Variants in SELENOK observed in about 807,000 individuals in gnomAD.
SELENOK encodes the protein selenoprotein K.
A neutral mutation model predicts 17.3 loss-of-function variants in SELENOK; 11 were observed. The observed-to-expected ratio is 0.63, with a 90% CI of 0.40 to 1.05. The LOEUF (loss-of-function observed/expected upper bound fraction) is 1.05, where lower values mean the gene tolerates loss of function less well. SELENOK is among the 50% of genes least tolerant of loss of function. The probability of loss-of-function intolerance (pLI) is 0.00; values close to 1 mark genes in which losing one functional copy is unlikely to be tolerated. For synonymous variants in SELENOK, 45 were observed against 35.4 expected (o/e 1.27, Z -0.97); for missense variants, 125 against 113.9 (o/e 1.10, Z -0.44).
At chr3:53,885,695 T>A in intron 4 of SELENOK, 131 bp downstream of exon 4, 1 of 1,225,036 alleles carries the variant, frequency 8.2e-7, no homozygotes, top group Non-Finnish European at 1.2e-6. Context: ...TTTCAAGGGT[T>A]AAGATAACAA....
At chr3:53,887,666 G>A (rs36102758) in intron 2 of SELENOK, among the ~76,000 whole-genome samples, 5,533 of 152,152 alleles carry the variant, frequency 0.036, 140 homozygotes, top group South Asian at 0.07. Flanking sequence ...CTTTATCTGG[G>A]ATAACTTCCT....
Position 53,891,825 on chromosome 3 carries a change from C to A in SELENOK, c.-37G>T, listed in dbSNP as rs747627235. On this transcript the variant is annotated 5_prime_UTR_variant, in exon 1 of 5. It adds an upstream start codon to the 5' untranslated region. Transcript: ENST00000495461. ...TCCCCGCTTCGGAGCCACCGGGCGC[C>A]TGGCCCCTGTCGGTTTCTGTATCTC... is the stretch of plus-strand genomic sequence containing the variant. 2 of 1,613,498 alleles carry A rather than the reference C, an allele frequency of 1.2e-6. No individual in the cohort carries two copies. Among genetic ancestry groups the A allele is most frequent in the Non-Finnish European group, 1.7e-6 (2 of 1,179,460 alleles).
At position 53,889,718 on chromosome 3, in the gene SELENOK, T is replaced by C. The variant is rs11130383; in HGVS notation, c.20-1235A>G. Reference sequence around the variant, plus strand: ...AAAGTCTCTTGCCTGTATAAAAAGATTGCGTATTCATACTCTTACAAGTCT... The same window carrying C: ...AAAGTCTCTTGCCTGTATAAAAAGACTGCGTATTCATACTCTTACAAGTCT... On this transcript the variant is annotated intron_variant, in intron 1 of 4. Transcript: ENST00000495461. Among the ~76,000 whole-genome samples, 3 of 152,254 alleles carry C rather than the reference T, an allele frequency of 2.0e-5. No homozygotes were observed. In the South Asian group the frequency reaches 6.2e-4, roughly 31 times the overall value.
In SELENOK at chr3:53,885,456, A is replaced by T; in HGVS notation, c.*102T>A. 1 of 1,127,442 alleles carries T rather than the reference A, an allele frequency of 8.9e-7. No homozygotes were observed. The highest frequency in any genetic ancestry group is 1.4e-5 in the South Asian group (1 of 72,972). 69.8% of individuals were successfully genotyped at this position (1,127,442 alleles called of 1,614,324 possible). On this transcript the variant is annotated 3_prime_UTR_variant, in exon 5 of 5. Coordinates refer to ENST00000495461, the MANE Select transcript of SELENOK (RefSeq NM_021237.5). Reference sequence around the variant, plus strand: ...CACAGAGCAGTCCTTGTTTAGACATACACATTCATCTACTGCTCATCATGG... The same window carrying T: ...CACAGAGCAGTCCTTGTTTAGACATTCACATTCATCTACTGCTCATCATGG...
intron 1 of SELENOK, among the ~76,000 whole-genome samples, chr3:53,891,256 C>T (rs1201572626): frequency 6.6e-6 from 1 of 152,174 alleles, no homozygotes; most frequent in Non-Finnish European, 1.5e-5. Context: ...CGTCAGCCTA[C>T]CTGTGATCGA....
Position 53,885,368 on chromosome 3 carries a change from A to C in SELENOK, c.*190T>G. On this transcript the variant is annotated 3_prime_UTR_variant, in exon 5 of 5. Transcript: ENST00000495461. ...CAAACATCTGCATTTATGGAACTGC[A>C]TGTCAGTCAGGCCAGTTCCCTGCAG... 3.8e-6 allele frequency: 2 copies of C among 528,992 alleles called. No individual in the cohort carries two copies. Among genetic ancestry groups the C allele is most frequent in the South Asian group, 6.0e-5 (2 of 33,364 alleles). The allele number at this position is 528,992 out of a possible 1,614,324, so 32.8% of individuals were successfully genotyped here.
chr3:53,886,823 C>T (rs370997717), intron 3 of SELENOK, 28 bp downstream of exon 3: 13 of 1,374,412 alleles, frequency 9.5e-6, no homozygotes, highest in African/African-American at 2.9e-5. Context: ...GACATAAAAA[C>T]AACTATTATC....
rs1344778848 is a variant in SELENOK, at chr3:53,886,898, T to C, written c.147A>G (p.Arg49=). The C allele has an allele frequency of 6.4e-7, 1 of 1,572,940 alleles. No individual in the cohort carries two copies. The highest frequency in any genetic ancestry group is 8.6e-7 in the Non-Finnish European group (1 of 1,157,306). The change falls in exon 3 of 5, where the codon AGA becomes AGG. Residue 49 remains arginine, a synonymous_variant. Transcript: ENST00000495461. ...KTLLQQDVKK[R]RSYGNSSDSR... ...AATCAGATGAGTTTCCATAGCTTCT[T>C]CTTTTTTTCACATCTTGCTGAAGCA...
intron 1 of SELENOK, 68 bp downstream of exon 1, chr3:53,891,702 C>A: frequency 2.5e-6 from 4 of 1,593,506 alleles, no homozygotes; most frequent in Non-Finnish European, 3.4e-6. Flanking sequence ...CAGCGAGCGA[C>A]GATGAAAGGA....
At position 53,884,676 on chromosome 3, in the gene SELENOK, C is replaced by G. The variant is rs747790977; in HGVS notation, c.*882G>C. The stretch of plus-strand genomic sequence containing the variant: ...TTTATTTATTTTTTTGAGACAGGGT[C>G]TCACTCTGTTGCCTAGGCAGGAGTG... On this transcript the variant is annotated 3_prime_UTR_variant, in exon 5 of 5. Transcript: ENST00000495461. The G allele has an allele frequency of 2.0e-4, 30 of 152,318 alleles. No individual in the cohort carries two copies. Among genetic ancestry groups the G allele is most frequent in the African/African-American group, 6.5e-4 (27 of 41,462 alleles). 9.4% of individuals were successfully genotyped at this position (152,318 alleles called of 1,614,324 possible).
intron 1 of SELENOK, among the ~76,000 whole-genome samples, chr3:53,890,274 A>G (rs933085023): frequency 5.9e-5 from 9 of 152,100 alleles, no homozygotes; most frequent in African/African-American, 1.4e-4. Context: ...TAGCCATCAC[A>G]TAAGATTTTT....
At chr3:53,886,346 C>T (rs181645918) in intron 3 of SELENOK, among the ~76,000 whole-genome samples, 314 of 152,296 alleles carry the variant, frequency 2.1e-3, no homozygotes, top group Non-Finnish European at 2.0e-3. Context: ...AAACAATTCT[C>T]CTGCCTCAGC....
Position 53,888,146 on chromosome 3 carries a change from TA to T in SELENOK, c.110+246del, listed in dbSNP as rs1428357493. The T allele has an allele frequency of 6.8e-5, 23 of 336,412 alleles. 1 individual carries two copies. Among genetic ancestry groups the T allele is most frequent in the African/African-American group, 4.9e-4 (23 of 46,510 alleles). The allele number at this position is 336,412 out of a possible 1,614,324, so 20.8% of individuals were successfully genotyped here. A position where few individuals can be genotyped will look rare whatever the true frequency, so the allele number is the denominator to read the frequency against. ...TGACGGACCCAGCCATAGGTTGAAG[TA>T]GTTACCACCAAGGTTAAGATGTGGT... On this transcript the variant is annotated intron_variant, in intron 2 of 4. Coordinates refer to ENST00000495461, the MANE Select transcript of SELENOK (RefSeq NM_021237.5).
At chr3:53,891,065 G>A (rs1175836748) in intron 1 of SELENOK, 1 of 152,100 alleles carries the variant, frequency 6.6e-6, no homozygotes, top group Admixed American at 6.5e-5. Flanking sequence ...TTGCTCCTAG[G>A]GGAAGATAGT....
At chr3:53,891,693 A>C in intron 1 of SELENOK, 77 bp downstream of exon 1, 1 of 1,578,756 alleles carries the variant, frequency 6.3e-7, no homozygotes. Context: ...CTCAAGACTC[A>C]GCGAGCGACG....
chr3:53,885,839 C>T lies in SELENOK; in HGVS notation c.268G>A (p.Gly90Ser). ...LRGPSPPPMAGGUGR is the reference protein window; with the variant it reads ...LRGPSPPPMASGUGR ...ATCTGAAGTTACCTTCCTCATCCAC[C>T]AGCCATTGGAGGGGGACTAGGGCCA... Residue 90 changes from glycine to serine, a missense_variant, in exon 4 of 5, where the codon GGT becomes AGT. Coordinates refer to ENST00000495461, the MANE Select transcript of SELENOK (RefSeq NM_021237.5). The T allele has an allele frequency of 6.3e-7, 1 of 1,590,186 alleles. No individual in the cohort carries two copies. The highest frequency in any genetic ancestry group is 8.6e-7 in the Non-Finnish European group (1 of 1,167,104).
intron 1 of SELENOK, chr3:53,890,841 G>A (rs2107092934): frequency 6.6e-6 from 1 of 152,310 alleles, no homozygotes; most frequent in Non-Finnish European, 1.5e-5. Flanking sequence ...CTCGTCTCTG[G>A]AGAAAAACAG....
intron 1 of SELENOK, 148 bp downstream of exon 1, chr3:53,891,622 G>A (rs1254639611): frequency 1.0e-6 from 1 of 989,958 alleles, no homozygotes; most frequent in Non-Finnish European, 1.5e-6. Context: ...CGCAAGCCGA[G>A]GCGACTTCGG....
intron 2 of SELENOK, 167 bp downstream of exon 2, chr3:53,888,226 A>AGC: frequency 3.5e-6 from 2 of 564,026 alleles, no homozygotes; most frequent in Non-Finnish European, 6.3e-6. Context: ...ATCTGGTGGT[A>AGC]GCAACTTTAT....
Sources: allele counts gnomAD v4.1 joint callset (sites outside exome capture counted in the v4.1 genomes callset), GRCh38; gene constraint gnomAD v4.1.1; transcripts MANE v1.5; gene names NCBI Gene and HGNC (gene_info 2026-07-23, HGNC 2026-07-21).